Variants in ST6GALNAC3 observed in about 807,000 individuals in gnomAD.
The protein encoded by ST6GALNAC3 is ST6 N-acetylgalactosaminide alpha-2,6-sialyltransferase 3.
A neutral mutation model predicts 32.7 loss-of-function variants in ST6GALNAC3; 25 were observed. That is an observed-to-expected ratio of 0.76 (90% CI 0.56 to 1.07). The LOEUF is 1.07. Among genes scored for constraint, ST6GALNAC3 ranks in the 50% least tolerant of loss-of-function variants. ST6GALNAC3 has a pLI of 0.00. For missense variants in ST6GALNAC3, 355 were observed against 382.4 expected (o/e 0.93, Z 0.60); for synonymous variants, 129 against 133.1 (o/e 0.97, Z 0.21).
At chr1:76,163,577 AT>A (rs1310494436) in intron 1 of ST6GALNAC3, among the ~76,000 whole-genome samples, 1 of 152,184 alleles carries the variant, frequency 6.6e-6, no homozygotes, top group Non-Finnish European at 1.5e-5. Flanking sequence ...TTTTCTTCAC[AT>A]TTTAACATCT....
chr1:76,310,822 A>T (rs1011757800), intron 1 of ST6GALNAC3, among the ~76,000 whole-genome samples: 3 of 152,186 alleles, frequency 2.0e-5, no homozygotes, highest in Non-Finnish European at 4.4e-5. Flanking sequence ...TTTACCCTGC[A>T]CTTCATGGCT....
intron 3 of ST6GALNAC3, among the ~76,000 whole-genome samples, chr1:76,559,223 C>T (rs1253822539): frequency 6.6e-6 from 1 of 152,100 alleles, no homozygotes; most frequent in Admixed American, 6.6e-5. Flanking sequence ...TGACGGGAAG[C>T]TACTGAAGAA....
intron 3 of ST6GALNAC3, among the ~76,000 whole-genome samples, chr1:76,591,462 G>T (rs1212707807): frequency 6.6e-6 from 1 of 152,014 alleles, no homozygotes; most frequent in Non-Finnish European, 1.5e-5. Context: ...GAGAGCCCAG[G>T]GCAAGTGTGT....
At chr1:76,293,279 G>GTA (rs1202822183) in intron 1 of ST6GALNAC3, among the ~76,000 whole-genome samples, 1 of 152,090 alleles carries the variant, frequency 6.6e-6, no homozygotes, top group Non-Finnish European at 1.5e-5. Context: ...CCATGGTGTT[G>GTA]TATCTTTTGC....
chr1:76,460,222 C>T (rs1025466627), intron 3 of ST6GALNAC3, among the ~76,000 whole-genome samples: 1 of 152,044 alleles, frequency 6.6e-6, no homozygotes, highest in Non-Finnish European at 1.5e-5. Flanking sequence ...TTTCATTTTC[C>T]TAATGACTAA....
At chr1:76,274,223 A>G (rs879610600) in intron 1 of ST6GALNAC3, among the ~76,000 whole-genome samples, 1 of 152,208 alleles carries the variant, frequency 6.6e-6, no homozygotes, top group African/African-American at 2.4e-5. Context: ...ATGATTATAT[A>G]TAAGCAAGTT....
chr1:76,570,502 A>G (rs1042683733), intron 3 of ST6GALNAC3, among the ~76,000 whole-genome samples: 3 of 151,944 alleles, frequency 2.0e-5, no homozygotes, highest in African/African-American at 7.2e-5. Flanking sequence ...CTATGATAAA[A>G]CTCTTCTATA....
At chr1:76,303,683 C>T (rs1282162777) in intron 1 of ST6GALNAC3, among the ~76,000 whole-genome samples, 1 of 152,022 alleles carries the variant, frequency 6.6e-6, no homozygotes, top group Non-Finnish European at 1.5e-5. Context: ...AGGATTCTAG[C>T]TTTAAGTGTT....
chr1:76,170,661 C>CA (rs1652430246), intron 1 of ST6GALNAC3, among the ~76,000 whole-genome samples: 1 of 152,134 alleles, frequency 6.6e-6, no homozygotes, highest in Non-Finnish European at 1.5e-5. Flanking sequence ...CTGTATCAGA[C>CA]ACGCTAGTTT....
At chr1:76,194,143 T>G (rs1654062112) in intron 1 of ST6GALNAC3, among the ~76,000 whole-genome samples, 1 of 152,168 alleles carries the variant, frequency 6.6e-6, no homozygotes, top group Non-Finnish European at 1.5e-5. Context: ...CAAGGTCACA[T>G]GAGTAAGTGA....
chr1:76,234,097 T>G (rs1656518156), intron 1 of ST6GALNAC3, among the ~76,000 whole-genome samples: 1 of 152,204 alleles, frequency 6.6e-6, no homozygotes, highest in African/African-American at 2.4e-5. Flanking sequence ...GAGCTCTGAC[T>G]TATACCCAGG....
At chr1:76,257,101 T>G (rs551685429) in intron 1 of ST6GALNAC3, among the ~76,000 whole-genome samples, 1 of 152,282 alleles carries the variant, frequency 6.6e-6, no homozygotes, top group East Asian at 1.9e-4. Flanking sequence ...AGATACTGCA[T>G]CATAGTGTCA....
chr1:76,483,805 G>A (rs550319161), intron 3 of ST6GALNAC3, among the ~76,000 whole-genome samples: 2 of 152,252 alleles, frequency 1.3e-5, no homozygotes, highest in Admixed American at 1.3e-4. Context: ...CCATGCCTAT[G>A]GCCTGAATGG....
chr1:76,116,678 C>A lies in ST6GALNAC3; in HGVS notation c.18+41794C>A, dbSNP rs191611692. On this transcript the variant is annotated intron_variant, in intron 1 of 4. Coordinates refer to ENST00000328299, the MANE Select transcript of ST6GALNAC3 (RefSeq NM_152996.4). ...GGGTGCGGTGGCTCACACCTGTAAT[C>A]CCAGAACTTTGGGAGGCCAAGGTGG... Among the ~76,000 whole-genome samples the A allele has an allele frequency of 5.9e-3, 903 of 152,042 alleles. 3 individuals carry two copies. The highest frequency in any genetic ancestry group is 9.0e-3 in the Non-Finnish European group (611 of 67,962).
At chr1:76,359,426 C>A (rs929854952) in intron 2 of ST6GALNAC3, among the ~76,000 whole-genome samples, 1 of 151,972 alleles carries the variant, frequency 6.6e-6, no homozygotes, top group Admixed American at 6.6e-5. Flanking sequence ...AAATATCATG[C>A]GGAAAGATAG....
intron 3 of ST6GALNAC3, among the ~76,000 whole-genome samples, chr1:76,420,151 C>T (rs1182452310): frequency 1.3e-5 from 2 of 152,154 alleles, no homozygotes; most frequent in South Asian, 2.1e-4. Context: ...CACCTGCTGA[C>T]CCAAATGATT....
In ST6GALNAC3 at chr1:76,476,806, C is replaced by T. The variant is rs368761423; in HGVS notation, c.623+64389C>T. Among the ~76,000 whole-genome samples the T allele has an allele frequency of 1.8e-3, 277 of 152,300 alleles. 2 individuals carry two copies. Among genetic ancestry groups the T allele is most frequent in the African/African-American group, 6.5e-3 (269 of 41,564 alleles). On this transcript the variant is annotated intron_variant, in intron 3 of 4. Transcript: ENST00000328299. ...ATGAGCAGCTGGTCAGCCGGACCAT[C>T]GCCCACCCTCAGCTCTACTCATGTT...
chr1:76,602,530 T>C (rs1276040285), intron 3 of ST6GALNAC3, among the ~76,000 whole-genome samples: 1 of 152,102 alleles, frequency 6.6e-6, no homozygotes, highest in East Asian at 1.9e-4. Flanking sequence ...ATAATAATAC[T>C]AAATAATAGA....
intron 1 of ST6GALNAC3, among the ~76,000 whole-genome samples, chr1:76,090,695 T>G (rs1359365288): frequency 6.6e-6 from 1 of 152,170 alleles, no homozygotes; most frequent in African/African-American, 2.4e-5. Flanking sequence ...CTAGCTACTC[T>G]AGGGTCTTTT....
Sources: allele counts gnomAD v4.1 joint callset (sites outside exome capture counted in the v4.1 genomes callset), GRCh38; gene constraint gnomAD v4.1.1; transcripts MANE v1.5; gene names NCBI Gene and HGNC (gene_info 2026-07-23, HGNC 2026-07-21).